CNBD1: variants seen among roughly 807,000 people sequenced by gnomAD.
CNBD1 encodes cyclic nucleotide binding domain containing 1.
Under a neutral mutation model 54.4 loss-of-function variants are expected in CNBD1, and 71 were observed. That is an observed-to-expected ratio of 1.30 (90% CI 1.08 to 1.59). The LOEUF (loss-of-function observed/expected upper bound fraction) is 1.59, where lower values mean the gene tolerates loss of function less well. CNBD1 is among the 40% of genes most tolerant of loss of function. CNBD1 has a pLI of 0.00. For synonymous variants in CNBD1, 182 were observed against 170.7 expected (o/e 1.07, Z -0.51); for missense variants, 659 against 518.0 (o/e 1.27, Z -2.64).
intron 6 of CNBD1, among the ~76,000 whole-genome samples, chr8:87,270,757 T>C (rs1808346566): frequency 6.6e-6 from 1 of 151,830 alleles, no homozygotes; most frequent in Non-Finnish European, 1.5e-5. Context: ...TGGGTAATGC[T>C]GACCTTATAG....
intron 4 of CNBD1, among the ~76,000 whole-genome samples, chr8:87,170,132 T>C (rs1191154031): frequency 6.6e-6 from 1 of 152,148 alleles, no homozygotes; most frequent in Non-Finnish European, 1.5e-5. Context: ...ACTTCTTTAG[T>C]TAATTCCTAG....
chr8:87,401,758 T>A (rs963419988), intron 2 of CNBD1, among the ~76,000 whole-genome samples: 2 of 152,022 alleles, frequency 1.3e-5, no homozygotes, highest in African/African-American at 4.8e-5. Context: ...TTTAAAAAAA[T>A]TTAAACAAGT....
chr8:86,909,214 A>G (rs865869096), intron 3 of CNBD1, among the ~76,000 whole-genome samples: 54 of 152,216 alleles, frequency 3.5e-4, no homozygotes, highest in African/African-American at 1.1e-3. Context: ...ATTTACATCT[A>G]TATCTTATAT....
downstream of CNBD1, among the ~76,000 whole-genome samples, chr8:87,387,748 A>G (rs1031441203): frequency 5.9e-5 from 9 of 152,198 alleles, no homozygotes; most frequent in Non-Finnish European, 1.2e-4. Context: ...ACTCTGCACC[A>G]AGAGGACCTA....
chr8:87,385,062 A>G (rs1253182245), downstream of CNBD1, among the ~76,000 whole-genome samples: 1 of 152,204 alleles, frequency 6.6e-6, no homozygotes, highest in African/African-American at 2.4e-5. Context: ...TATGCAAAAT[A>G]GATTTGGGGG....
At chr8:87,263,419 T>C (rs1808180959) in intron 6 of CNBD1, among the ~76,000 whole-genome samples, 1 of 152,146 alleles carries the variant, frequency 6.6e-6, no homozygotes. Context: ...GAATACATTA[T>C]TCAAAATCAG....
chr8:87,363,374 T>G (rs1457053653), intron 10 of CNBD1, among the ~76,000 whole-genome samples: 2 of 152,186 alleles, frequency 1.3e-5, no homozygotes, highest in African/African-American at 4.8e-5. Context: ...GTAATGGGAT[T>G]GCTGGGTCAA....
intron 4 of CNBD1, among the ~76,000 whole-genome samples, chr8:87,010,356 C>T (rs560718062): frequency 6.6e-6 from 1 of 152,000 alleles, no homozygotes; most frequent in African/African-American, 2.4e-5. Context: ...TTTTCTAATG[C>T]TTTGTTTTAT....
intron 2 of CNBD1, among the ~76,000 whole-genome samples, chr8:87,414,428 C>G (rs1338338884): frequency 4.6e-5 from 7 of 151,924 alleles, no homozygotes; most frequent in Admixed American, 4.6e-4. Flanking sequence ...TGCTAAATGA[C>G]AAGTTAATGG....
At chr8:87,319,995 A>C (rs894532832) in intron 8 of CNBD1, among the ~76,000 whole-genome samples, 1 of 152,062 alleles carries the variant, frequency 6.6e-6, no homozygotes, top group Non-Finnish European at 1.5e-5. Flanking sequence ...TTCAAAAAGT[A>C]TGTCCCCTAG....
At chr8:87,261,294 GAC>G (rs1378396188) in intron 6 of CNBD1, among the ~76,000 whole-genome samples, 1 of 152,016 alleles carries the variant, frequency 6.6e-6, no homozygotes, top group East Asian at 1.9e-4. Flanking sequence ...GAGATCAATG[GAC>G]ACAAATGGGT....
chr8:87,125,333 A>G (rs1214172706), intron 4 of CNBD1, among the ~76,000 whole-genome samples: 2 of 151,826 alleles, frequency 1.3e-5, no homozygotes, highest in Non-Finnish European at 3.0e-5. Flanking sequence ...AACAATCTTG[A>G]GCAAAAAGAA....
intron 4 of CNBD1, among the ~76,000 whole-genome samples, chr8:87,172,431 T>G (rs1466320373): frequency 6.6e-6 from 1 of 152,146 alleles, no homozygotes; most frequent in Non-Finnish European, 1.5e-5. Context: ...TTGTTGATTT[T>G]CTGTCTGGAA....
rs1477557944 is a variant in CNBD1, at chr8:87,382,768, C to T, written c.*141C>T. The T allele has an allele frequency of 5.9e-6, 3 of 509,290 alleles. No homozygotes were observed. The East Asian group carries it at 9.5e-5, about 16-fold the overall frequency. 31.5% of individuals were successfully genotyped at this position (509,290 alleles called of 1,614,324 possible). ...ATATCCTGGATTCCCCAGGAAAGTC[C>T]CACTTTCGAATTGCCTTTCAAACAC... is the stretch of plus-strand genomic sequence containing the variant. On this transcript the variant is annotated 3_prime_UTR_variant, in exon 11 of 11. Coordinates refer to ENST00000518476, the MANE Select transcript of CNBD1 (RefSeq NM_173538.3).
chr8:87,243,352 G>T (rs1398709819), intron 6 of CNBD1, among the ~76,000 whole-genome samples: 1 of 152,172 alleles, frequency 6.6e-6, no homozygotes, highest in Non-Finnish European at 1.5e-5. Flanking sequence ...TGTAAGTTCT[G>T]CATCAAGTGA....
At chr8:86,928,283 C>T (rs966765334) in intron 3 of CNBD1, among the ~76,000 whole-genome samples, 6 of 152,120 alleles carry the variant, frequency 3.9e-5, no homozygotes, top group Admixed American at 6.6e-5. Context: ...GGACTTACCC[C>T]CATTTTGTGA....
chr8:87,313,638 GT>G (rs1056076832), intron 8 of CNBD1, among the ~76,000 whole-genome samples: 8 of 151,690 alleles, frequency 5.3e-5, no homozygotes, highest in African/African-American at 1.9e-4. Flanking sequence ...AGAAAGTGAT[GT>G]TTTTTTCTTC....
chr8:86,885,258 A>G (rs1374844464), intron 1 of CNBD1, among the ~76,000 whole-genome samples: 1 of 152,234 alleles, frequency 6.6e-6, no homozygotes, highest in Non-Finnish European at 1.5e-5. Flanking sequence ...ATGATCATCA[A>G]TATAACATTC....
chr8:87,284,408 A>G (rs899951140), intron 6 of CNBD1, among the ~76,000 whole-genome samples: 4 of 152,152 alleles, frequency 2.6e-5, no homozygotes, highest in African/African-American at 9.7e-5. Flanking sequence ...AATGGCTGCT[A>G]TATTCCAAGC....
Sources: gnomAD v4.1 joint callset for allele counts (sites outside exome capture counted in the v4.1 genomes callset) on GRCh38, gnomAD v4.1.1 for gene constraint, MANE v1.5 for transcripts, NCBI Gene and HGNC (gene_info 2026-07-23, HGNC 2026-07-21) for gene names.